Variants in MALT1 observed in about 807,000 individuals in gnomAD.
MALT1 encodes MALT1 paracaspase.
A neutral mutation model predicts 85.5 loss-of-function variants in MALT1; 36 were observed. The ratio of observed to expected loss-of-function variants is 0.42; its 90% CI spans 0.32 to 0.56. The LOEUF (loss-of-function observed/expected upper bound fraction) is 0.56, where lower values mean the gene tolerates loss of function less well. Ranked by LOEUF, MALT1 falls within the 20% of genes least tolerant of loss-of-function variation. The probability of loss-of-function intolerance (pLI) is 0.10; values close to 1 mark genes in which losing one functional copy is unlikely to be tolerated. For synonymous variants in MALT1, 359 were observed against 361.3 expected, an observed-to-expected ratio of 0.99 and a Z score of 0.07; for missense variants, 716 against 981.6, an observed-to-expected ratio of 0.73 and a Z score of 3.62.
intron 14 of MALT1, among the ~76,000 whole-genome samples, 182 bp from the exon 15 acceptor site, chr18:58,744,155 AT>A (rs1306958735): frequency 6.6e-6 from 1 of 152,198 alleles, no homozygotes; most frequent in African/African-American, 2.4e-5. Context: ...CTATAAACAA[AT>A]GGTAAATGAA....
At chr18:58,741,300 CT>C (rs1254920257) in intron 13 of MALT1, 1 of 151,920 alleles carries the variant, frequency 6.6e-6, no homozygotes. Flanking sequence ...ATTTTCTTAT[CT>C]TTTTTAAAAA....
chr18:58,688,536 C>CAAAAAAAAAAA (rs552838701), intron 2 of MALT1, among the ~76,000 whole-genome samples: 2 of 61,402 alleles, frequency 3.3e-5, no homozygotes, highest in African/African-American at 4.7e-5. Context: ...CCTGTTTCTA[C>CAAAAAAAAAAA]AAAAAAAAAA....
chr18:58,696,800 C>T (rs916673562), intron 3 of MALT1, among the ~76,000 whole-genome samples: 3 of 152,202 alleles, frequency 2.0e-5, no homozygotes, highest in Admixed American at 6.5e-5. Flanking sequence ...AAACTCTTCA[C>T]AACAGATTAT....
At chr18:58,717,922 G>A (rs189280640) in intron 9 of MALT1, among the ~76,000 whole-genome samples, 1 of 152,106 alleles carries the variant, frequency 6.6e-6, no homozygotes, top group Non-Finnish European at 1.5e-5. Flanking sequence ...CTGTAGAGAG[G>A]AGCATACATA....
Position 58,747,633 on chromosome 18 carries a change from C to T in MALT1, c.2266C>T (p.Pro756Ser). The change falls in exon 17 of 17, where the codon CCA (proline) becomes TCA (serine). Residue 756 changes from proline to serine, a missense_variant. Transcript: ENST00000649217. ...AGGGCATTATCACTCATTGCAAGAC[C>T]CATTCCATGGTGTTTACCATTCACA... ...GAGHYHSLQD[P>S]FHGVYHSHPG... 1 of 1,614,114 alleles carries T rather than the reference C, an allele frequency of 6.2e-7. No individual in the cohort carries two copies. Among genetic ancestry groups the T allele is most frequent in the Non-Finnish European group, 8.5e-7 (1 of 1,179,990 alleles).
In MALT1 at chr18:58,709,419, G is replaced by A. The variant is rs562503889; in HGVS notation, c.691G>A (p.Val231Ile). 26 of 1,610,824 alleles carry A rather than the reference G, an allele frequency of 1.6e-5. No homozygotes were observed. The highest frequency in any genetic ancestry group is 2.2e-5 in the Non-Finnish European group (26 of 1,178,502). The change falls in exon 5 of 17, where the codon GTT becomes ATT. Residue 231 changes from valine (V) to isoleucine (I), a missense_variant. Coordinates refer to ENST00000649217, the MANE Select transcript of MALT1 (RefSeq NM_006785.4). ...GVSESKLQICVEPTSQKLMPG... is the reference protein window; with the variant it reads ...GVSESKLQICIEPTSQKLMPG... ...CTCTGAATCCAAGTTGCAAATCTGT[G>A]TTGAACCAACTTCCCAAAAGCTGAT...
chr18:58,671,889 C>A, intron 1 of MALT1, 37 bp downstream of exon 1: 2 of 1,199,444 alleles, frequency 1.7e-6, no homozygotes, highest in South Asian at 8.3e-5. Context: ...GCGCGCGGGT[C>A]GAGCGGGGTG....
chr18:58,730,852 A>T (rs1264402248), intron 10 of MALT1, among the ~76,000 whole-genome samples: 2 of 152,262 alleles, frequency 1.3e-5, no homozygotes, highest in African/African-American at 4.8e-5. Context: ...ACTTGGAACT[A>T]GTGGCTAATG....
chr18:58,719,883 A>G (rs983330691), intron 9 of MALT1, among the ~76,000 whole-genome samples: 1 of 151,764 alleles, frequency 6.6e-6, no homozygotes, highest in African/African-American at 2.4e-5. Flanking sequence ...AATACATGTG[A>G]TTTTTAAATA....
intron 14 of MALT1, among the ~76,000 whole-genome samples, chr18:58,743,336 A>C (rs1038746323): frequency 1.3e-5 from 2 of 152,234 alleles, no homozygotes; most frequent in African/African-American, 4.8e-5. Context: ...AGGTCACGCC[A>C]TTGCACTCCA....
chr18:58,741,730 G>T (rs1193851889), intron 13 of MALT1, 135 bp from the exon 14 acceptor site: 4 of 496,568 alleles, frequency 8.1e-6, no homozygotes, highest in Non-Finnish European at 1.4e-5. Flanking sequence ...CATAATAGGT[G>T]CTCAGGAAAT....
intron 7 of MALT1, 47 bp downstream of exon 7, chr18:58,711,000 A>C (rs772986271): frequency 6.3e-6 from 9 of 1,426,488 alleles, no homozygotes; most frequent in Admixed American, 2.2e-5. Flanking sequence ...CATGCTAGTT[A>C]CTCTTGGGAT....
intron 2 of MALT1, chr18:58,691,400 G>A (rs1457252843): frequency 1.8e-6 from 1 of 563,648 alleles, no homozygotes; most frequent in Non-Finnish European, 3.1e-6. Flanking sequence ...ATGACACCAA[G>A]ATCTCGGAGC....
In MALT1 at chr18:58,721,331, G is replaced by C. The variant is rs955822682; in HGVS notation, c.1019-1717G>C. 2.6e-5 allele frequency among the ~76,000 whole-genome samples: 4 copies of C among 152,186 alleles called. No individual in the cohort carries two copies. The East Asian group carries it at 7.7e-4, about 29-fold the overall frequency. On this transcript the variant is annotated intron_variant, in intron 9 of 16. Coordinates refer to ENST00000649217, the MANE Select transcript of MALT1 (RefSeq NM_006785.4). Reference sequence around the variant, plus strand: ...GAGGCAGAAGGTTGCAGTGAGCTGAGATCATGCCATTGCACTCCAGCCTGG... The same window carrying C: ...GAGGCAGAAGGTTGCAGTGAGCTGACATCATGCCATTGCACTCCAGCCTGG...
Position 58,733,448 on chromosome 18 carries a change from T to G in MALT1, c.1274T>G (p.Met425Arg). The change falls in exon 11 of 17, where the codon ATG becomes AGG. Residue 425 changes from methionine (M) to arginine (R), a missense_variant. This residue lies in a region of MALT1 where 86 missense variants were observed against 212.3 expected (regional missense o/e 0.41). Transcript: ENST00000649217. ...HGYENFGNSF[M>R]VPVDAPNPYR... Reference sequence around the variant, plus strand: ...TATGAAAATTTTGGGAACAGCTTCATGGTCCCCGTTGATGCTCCAAATCCA... The same window carrying G: ...TATGAAAATTTTGGGAACAGCTTCAGGGTCCCCGTTGATGCTCCAAATCCA... The G allele has an allele frequency of 6.2e-7, 1 of 1,613,468 alleles. No homozygotes were observed. The highest frequency in any genetic ancestry group is 2.2e-5 in the East Asian group (1 of 44,878).
At chr18:58,729,518 T>G (rs968308107) in intron 10 of MALT1, among the ~76,000 whole-genome samples, 2 of 147,658 alleles carry the variant, frequency 1.4e-5, no homozygotes, top group Non-Finnish European at 3.0e-5. Flanking sequence ...AAAAAAAAAT[T>G]ATAGTCCTTT....
intron 4 of MALT1, among the ~76,000 whole-genome samples, chr18:58,708,876 A>G (rs1411090585): frequency 6.6e-6 from 1 of 152,192 alleles, no homozygotes; most frequent in Non-Finnish European, 1.5e-5. Flanking sequence ...TGTTAAGTAA[A>G]TGATGTCTAA....
At chr18:58,726,870 G>A (rs2055062565) in intron 10 of MALT1, among the ~76,000 whole-genome samples, 2 of 152,182 alleles carry the variant, frequency 1.3e-5, no homozygotes, top group African/African-American at 4.8e-5. Context: ...GTGTTATTCG[G>A]CCTGCAGCGG....
chr18:58,691,884 A>C (rs1306262549), intron 2 of MALT1, among the ~76,000 whole-genome samples: 3 of 145,492 alleles, frequency 2.1e-5, no homozygotes, highest in Non-Finnish European at 4.5e-5. Context: ...AAAAAAAAAA[A>C]CAACAAAAAA....
Sources: gnomAD v4.1 joint callset for allele counts (sites outside exome capture counted in the v4.1 genomes callset) on GRCh38, gnomAD v4.1.1 for gene constraint, gnomAD v4.1.1 regional missense constraint, MANE v1.5 for transcripts, NCBI Gene and HGNC (gene_info 2026-07-23, HGNC 2026-07-21) for gene names.